The following CWF19L1 variants were observed in gnomAD, a reference collection of about 807,000 sequenced individuals.
The protein encoded by CWF19L1 is CWF19 like cell cycle control factor 1.
Under a neutral mutation model 69.7 loss-of-function variants are expected in CWF19L1, and 60 were observed. The ratio of observed to expected loss-of-function variants is 0.86; its 90% CI spans 0.70 to 1.07. The LOEUF is 1.07. Among genes scored for constraint, CWF19L1 ranks in the 50% least tolerant of loss-of-function variants. CWF19L1 has a pLI of 0.00. For synonymous variants in CWF19L1, 209 were observed against 222.2 expected, an observed-to-expected ratio of 0.94 and a Z score of 0.53; for missense variants, 591 against 638.9, an observed-to-expected ratio of 0.92 and a Z score of 0.81.
At chr10:100,243,553 G>A in intron 10 of CWF19L1, 145 bp downstream of exon 10, 1 of 707,304 alleles carries the variant, frequency 1.4e-6, no homozygotes, top group Non-Finnish European at 2.5e-6. Flanking sequence ...ACCACGTGAT[G>A]GTGGCATAAC....
At chr10:100,263,484 T>C (rs759168126) in intron 1 of CWF19L1, among the ~76,000 whole-genome samples, 8 of 152,202 alleles carry the variant, frequency 5.3e-5, no homozygotes, top group Non-Finnish European at 7.3e-5. Context: ...TAAACTAATA[T>C]GACTTTTATT....
At chr10:100,238,698 G>A (rs901983335) in intron 10 of CWF19L1, among the ~76,000 whole-genome samples, 15 of 152,284 alleles carry the variant, frequency 9.9e-5, no homozygotes, top group Non-Finnish European at 2.1e-4. Flanking sequence ...GAGAGGCCGA[G>A]GCAGGTGGAC....
At chr10:100,246,154 CAA>C (rs1846813168) in intron 8 of CWF19L1, 1 of 430,830 alleles carries the variant, frequency 2.3e-6, no homozygotes, top group Non-Finnish European at 4.2e-6. Context: ...AGTTAAAATG[CAA>C]GTTATAAAGT....
chr10:100,250,276 GC>G lies in CWF19L1; in HGVS notation c.679del (p.Ala227GlnfsTer20). On this transcript the variant is annotated frameshift_variant, in exon 7 of 14. Coordinates refer to ENST00000354105, the MANE Select transcript of CWF19L1 (RefSeq NM_018294.6). LOFTEE classifies it high-confidence loss of function. The part of the protein sequence containing the change: ...AQHATRFIAL[A>X]NVGNPEKKKY... The stretch of plus-strand genomic sequence containing the variant: ...TTTCTTTTCTGGATTTCCAACATTT[GC>G]CAGAGCTATAAACCGGGTGGCATGC... The G allele has an allele frequency of 6.2e-7, 1 of 1,612,016 alleles. No individual in the cohort carries two copies. Among genetic ancestry groups the G allele is most frequent in the Non-Finnish European group, 8.5e-7 (1 of 1,178,322 alleles).
intron 7 of CWF19L1, 90 bp downstream of exon 7, chr10:100,250,158 A>C: frequency 2.2e-6 from 2 of 894,774 alleles, no homozygotes; most frequent in Non-Finnish European, 3.7e-6. Flanking sequence ...GTCAGGGAGA[A>C]GAGAAGATCT....
chr10:100,253,583 C>G (rs1307046384), intron 5 of CWF19L1, 44 bp from the exon 6 acceptor site: 3 of 1,040,904 alleles, frequency 2.9e-6, no homozygotes, highest in Non-Finnish European at 4.5e-6. Context: ...CAAAAGTTAT[C>G]AAGAAATGCA....
At chr10:100,249,982 G>C (rs1375397342) in intron 7 of CWF19L1, 5 of 450,388 alleles carry the variant, frequency 1.1e-5, no homozygotes, top group Non-Finnish European at 1.6e-5. Context: ...CAACCACATA[G>C]ATGTGGAAGT....
At chr10:100,266,063 T>C (rs1847570360) in intron 1 of CWF19L1, among the ~76,000 whole-genome samples, 1 of 152,110 alleles carries the variant, frequency 6.6e-6, no homozygotes, top group African/African-American at 2.4e-5. Flanking sequence ...ATTACTCTTA[T>C]TTCCCAAGGC....
chr10:100,257,132 A>G (rs1847237856), intron 4 of CWF19L1, among the ~76,000 whole-genome samples: 1 of 152,096 alleles, frequency 6.6e-6, no homozygotes, highest in South Asian at 2.1e-4. Flanking sequence ...ATCAATTTTC[A>G]CTTCCCTTTC....
intron 7 of CWF19L1, chr10:100,248,861 A>C: frequency 9.0e-7 from 1 of 1,105,698 alleles, no homozygotes; most frequent in Non-Finnish European, 1.4e-6. Flanking sequence ...GTGGCAGAAA[A>C]GGCTGAGCAG....
chr10:100,242,129 C>T (rs1053261571), intron 10 of CWF19L1, among the ~76,000 whole-genome samples: 18 of 152,164 alleles, frequency 1.2e-4, no homozygotes, highest in African/African-American at 4.1e-4. Context: ...CCATGAGACA[C>T]ACACATTCAA....
At position 100,236,898 on chromosome 10, in the gene CWF19L1, C is replaced by T; in HGVS notation, c.1326G>A (p.Glu442=). ...GGATTTCCAACAGCTCTATCTGCTG[C>T]TCCTGTGCCTGGGTAATGAAGGCAT... ...IKDAFITQAQ[E]QQIELLEIPE... is the part of the protein sequence containing the mutation. The change falls in exon 12 of 14, where the codon GAG becomes GAA. Residue 442 remains glutamate (E), a synonymous_variant. Coordinates refer to ENST00000354105, the MANE Select transcript of CWF19L1 (RefSeq NM_018294.6). 1.9e-6 allele frequency: 3 copies of T among 1,612,316 alleles called. No homozygotes were observed. Among genetic ancestry groups the T allele is most frequent in the Non-Finnish European group, 2.5e-6 (3 of 1,179,116 alleles).
chr10:100,233,697 C>T (rs138042469), intron 13 of CWF19L1, among the ~76,000 whole-genome samples: 186 of 152,288 alleles, frequency 1.2e-3, no homozygotes, highest in African/African-American at 3.6e-3. Context: ...TCCAGCTTTG[C>T]CACTTGCTAT....
Position 100,246,826 on chromosome 10 carries a change from G to A in CWF19L1, c.818C>T (p.Ala273Val), listed in dbSNP as rs199581477. Reference sequence around the variant, plus strand: ...GGCAAGAATTTGCTTTCCTATGGATGCTTCCTGCCCAGATTTTCTGTAAGG... The same window carrying A: ...GGCAAGAATTTGCTTTCCTATGGATACTTCCTGCCCAGATTTTCTGTAAGG... ...ENPYRKSGQE[A>V]SIGKQILAPV... The change falls in exon 8 of 14, where the codon GCA becomes GTA. Residue 273 changes from alanine (A) to valine (V), a missense_variant. Physicochemically the swap from Ala to Val is moderately conservative, Grantham distance 64. This residue lies in a region of CWF19L1 where 458 missense variants were observed against 489.3 expected (regional missense o/e 0.94). Coordinates refer to ENST00000354105, the MANE Select transcript of CWF19L1 (RefSeq NM_018294.6). 1.1e-4 allele frequency: 174 copies of A among 1,613,866 alleles called. No individual in the cohort carries two copies. Among genetic ancestry groups the A allele is most frequent in the Middle Eastern group, 1.6e-4 (1 of 6,084 alleles).
At chr10:100,245,713 G>C (rs1284349068) in intron 9 of CWF19L1, 86 bp downstream of exon 9, 2 of 926,552 alleles carry the variant, frequency 2.2e-6, no homozygotes, top group Non-Finnish European at 3.5e-6. Flanking sequence ...GCCAGAAGAG[G>C]CTCTCTTAGC....
chr10:100,234,204 A>C (rs893609880), intron 13 of CWF19L1, among the ~76,000 whole-genome samples: 1 of 152,230 alleles, frequency 6.6e-6, no homozygotes, highest in Non-Finnish European at 1.5e-5. Flanking sequence ...TGAATTCTCT[A>C]TAAGTCAAAG....
intron 12 of CWF19L1, among the ~76,000 whole-genome samples, chr10:100,236,369 A>G (rs1589609136): frequency 6.6e-6 from 1 of 152,120 alleles, no homozygotes; most frequent in Admixed American, 6.5e-5. Flanking sequence ...TCAGCCTCCC[A>G]AAGTGTTGGA....
At chr10:100,233,504 A>G (rs1846341187) in intron 13 of CWF19L1, 133 bp from the exon 14 acceptor site, 1 of 766,036 alleles carries the variant, frequency 1.3e-6, no homozygotes, top group African/African-American at 1.8e-5. Context: ...CATACTATTG[A>G]TCAAAATCAT....
intron 13 of CWF19L1, among the ~76,000 whole-genome samples, chr10:100,234,887 G>A (rs919638124): frequency 2.0e-5 from 3 of 152,120 alleles, no homozygotes; most frequent in African/African-American, 7.2e-5. Flanking sequence ...TTACCATACT[G>A]TAGAACACTG....
Sources: gnomAD v4.1 joint callset for allele counts (sites outside exome capture counted in the v4.1 genomes callset) on GRCh38, gnomAD v4.1.1 for gene constraint, gnomAD v4.1.1 regional missense constraint, MANE v1.5 for transcripts, NCBI Gene and HGNC (gene_info 2026-07-23, HGNC 2026-07-21) for gene names.